NRG1: variants seen among roughly 807,000 people sequenced by gnomAD.
NRG1 encodes pro-neuregulin-1, membrane-bound isoform.
In NRG1, 18 loss-of-function variants were observed where a neutral mutation model predicts 63.8. That is an observed-to-expected ratio of 0.28 (90% CI 0.19 to 0.42). The LOEUF is 0.42. NRG1 is among the 10% of genes least tolerant of loss of function. The pLI, the probability that NRG1 is intolerant of heterozygous loss-of-function variation, is 1.00. For missense variants in NRG1, 762 were observed against 814.7 expected (o/e 0.94, Z 0.79); for synonymous variants, 302 against 301.3 (o/e 1.00, Z -0.02).
intron 1 of NRG1, among the ~76,000 whole-genome samples, chr8:31,700,297 G>A (rs964984573): frequency 9.9e-5 from 15 of 152,138 alleles, no homozygotes; most frequent in African/African-American, 3.6e-4. Flanking sequence ...TGTCTGGGTG[G>A]TATTCTTGAT....
chr8:32,227,576 T>C (rs7015249), intron 1 of NRG1, among the ~76,000 whole-genome samples: 113,997 of 152,092 alleles, frequency 0.75, 43,808 homozygotes, highest in African/African-American at 0.91. Context: ...ATCAAGCATT[T>C]CTCTGTTTCT....
At chr8:31,789,514 G>A (rs555649407) in intron 1 of NRG1, among the ~76,000 whole-genome samples, 1 of 152,128 alleles carries the variant, frequency 6.6e-6, no homozygotes, top group East Asian at 1.9e-4. Flanking sequence ...ACACGTGGAG[G>A]ATACTAGAGG....
At chr8:32,186,044 T>C (rs1355445791) in intron 1 of NRG1, among the ~76,000 whole-genome samples, 1 of 152,198 alleles carries the variant, frequency 6.6e-6, no homozygotes, top group Middle Eastern at 3.2e-3. Flanking sequence ...TTCCTCAAAG[T>C]ATAGTGGCTA....
intron 1 of NRG1, among the ~76,000 whole-genome samples, chr8:32,436,781 A>T (rs1011869242): frequency 6.6e-6 from 1 of 152,116 alleles, no homozygotes; most frequent in African/African-American, 2.4e-5. Context: ...GGTTACTTAG[A>T]TCTTATAGTG....
chr8:32,080,241 A>C (rs1827243920), intron 1 of NRG1, among the ~76,000 whole-genome samples: 1 of 152,148 alleles, frequency 6.6e-6, no homozygotes, highest in Admixed American at 6.5e-5. Flanking sequence ...TTATTTTAGG[A>C]TTCTGTTAGT....
intron 1 of NRG1, among the ~76,000 whole-genome samples, chr8:32,356,827 T>A (rs1022614762): frequency 6.6e-6 from 1 of 152,148 alleles, no homozygotes; most frequent in Non-Finnish European, 1.5e-5. Flanking sequence ...GAATGCGTTC[T>A]AAAATGAAGA....
At chr8:32,487,318 A>T (rs961819941) in intron 1 of NRG1, among the ~76,000 whole-genome samples, 1 of 152,142 alleles carries the variant, frequency 6.6e-6, no homozygotes, top group African/African-American at 2.4e-5. Flanking sequence ...CAATTTCTAC[A>T]CCATGAGGGT....
At chr8:31,940,715 ATAC>A (rs1384484705) in intron 1 of NRG1, among the ~76,000 whole-genome samples, 1 of 152,156 alleles carries the variant, frequency 6.6e-6, no homozygotes, top group Non-Finnish European at 1.5e-5. Context: ...GAAATGGGAG[ATAC>A]TACAGCCAAT....
chr8:31,957,281 C>G (rs1804614494), intron 1 of NRG1, among the ~76,000 whole-genome samples: 1 of 151,256 alleles, frequency 6.6e-6, no homozygotes, highest in South Asian at 2.1e-4. Flanking sequence ...TTTACTGTAA[C>G]ACACACATAC....
intron 1 of NRG1, among the ~76,000 whole-genome samples, chr8:31,988,962 C>T (rs949520488): frequency 4.0e-5 from 6 of 151,860 alleles, no homozygotes; most frequent in Admixed American, 1.3e-4. Flanking sequence ...TAAAAAGACC[C>T]CAGTAGCTGG....
Position 32,742,013 on chromosome 8 carries a change from A to G in NRG1, c.633-662A>G, listed in dbSNP as rs1378481589. 1 of 1,613,576 alleles carries G rather than the reference A, an allele frequency of 6.2e-7. No homozygotes were observed. Among genetic ancestry groups the G allele is most frequent in the Admixed American group, 1.7e-5 (1 of 59,964 alleles). On this transcript the variant is annotated intron_variant, in intron 6 of 11. Transcript: ENST00000356819. This position sits in a 1 kb window ranked among gnomAD's most constrained non-coding sequence, Gnocchi z 4.2. Reference sequence around the variant, plus strand: ...ACCACATTTTTGCCCTCTAGGTGCCAACCTGGATTCACTGGAGCAAGATGT... The same window carrying G: ...ACCACATTTTTGCCCTCTAGGTGCCGACCTGGATTCACTGGAGCAAGATGT...
chr8:32,621,799 A>G (rs556570733), intron 5 of NRG1, among the ~76,000 whole-genome samples: 8 of 152,174 alleles, frequency 5.3e-5, no homozygotes, highest in Non-Finnish European at 8.8e-5. Context: ...GTACGTTGAA[A>G]CTGATACATG....
chr8:31,935,532 A>T (rs1306374528), intron 1 of NRG1, among the ~76,000 whole-genome samples: 1 of 152,190 alleles, frequency 6.6e-6, no homozygotes, highest in Non-Finnish European at 1.5e-5. Context: ...GGTTGGGATT[A>T]CAGGTGTGAC....
intron 1 of NRG1, among the ~76,000 whole-genome samples, chr8:32,406,282 T>A (rs1024922632): frequency 6.6e-6 from 1 of 152,198 alleles, no homozygotes; most frequent in African/African-American, 2.4e-5. Context: ...GGAACCAGAC[T>A]GTGTGGGTTT....
chr8:32,448,079 A>G (rs1321002812), intron 1 of NRG1, among the ~76,000 whole-genome samples: 1 of 152,196 alleles, frequency 6.6e-6, no homozygotes, highest in Non-Finnish European at 1.5e-5. Context: ...TTAGTTATAT[A>G]TGTTCACTTC....
chr8:32,725,142 G>C (rs528276472), intron 5 of NRG1, among the ~76,000 whole-genome samples: 2 of 152,078 alleles, frequency 1.3e-5, no homozygotes, highest in Non-Finnish European at 2.9e-5. Flanking sequence ...CTACATTTGG[G>C]GGGGAGTTGG....
intron 1 of NRG1, among the ~76,000 whole-genome samples, chr8:31,826,993 T>C (rs1208653177): frequency 1.3e-5 from 2 of 152,200 alleles, no homozygotes; most frequent in African/African-American, 2.4e-5. Context: ...TCATTGGGCT[T>C]TGGCAGGCAG....
At chr8:32,218,391 C>T (rs1033678068) in intron 1 of NRG1, among the ~76,000 whole-genome samples, 1 of 152,210 alleles carries the variant, frequency 6.6e-6, no homozygotes, top group East Asian at 1.9e-4. Flanking sequence ...TAAATTCTCT[C>T]CTACCACGTG....
chr8:31,721,847 C>T lies in NRG1; in HGVS notation c.37+82416C>T, dbSNP rs116702880. Reference sequence around the variant, plus strand: ...CAAGAAATTGTGCTGGATTTCTACTCGCTCACCTTCTATTTCTTACTAAAT... The same window carrying T: ...CAAGAAATTGTGCTGGATTTCTACTTGCTCACCTTCTATTTCTTACTAAAT... On this transcript the variant is annotated intron_variant, in intron 1 of 10. Coordinates refer to the NRG1 transcript ENST00000519301. Among the ~76,000 whole-genome samples, 627 of 152,172 alleles carry T rather than the reference C, an allele frequency of 4.1e-3. 7 individuals carry two copies. The highest frequency in any genetic ancestry group is 0.014 in the African/African-American group (580 of 41,518).
Sources: gnomAD v4.1 joint callset for allele counts (sites outside exome capture counted in the v4.1 genomes callset) on GRCh38, gnomAD v4.1.1 for gene constraint, Gnocchi (gnomAD v3.1) non-coding constraint, MANE v1.5 for transcripts, NCBI Gene and HGNC (gene_info 2026-07-23, HGNC 2026-07-21) for gene names.